CUX2: variants seen among roughly 807,000 people sequenced by gnomAD.
CUX2 encodes cut like homeobox 2.
In CUX2, 40 loss-of-function variants were observed where a neutral mutation model predicts 144.8. The observed-to-expected ratio is 0.28, with a 90% CI of 0.21 to 0.36. The LOEUF is 0.36. Ranked by LOEUF, CUX2 falls within the 10% of genes least tolerant of loss-of-function variation. CUX2 has a pLI of 1.00. For synonymous variants in CUX2, 827 were observed against 875.6 expected (o/e 0.94, Z 0.98); for missense variants, 1,615 against 1,994.0 (o/e 0.81, Z 3.62).
intron 4 of CUX2, among the ~76,000 whole-genome samples, chr12:111,268,625 G>A (rs1427737225): frequency 3.9e-5 from 6 of 152,364 alleles, no homozygotes; most frequent in South Asian, 2.1e-4. Flanking sequence ...AGGACATGGC[G>A]CTATGGCACG....
intron 1 of CUX2, among the ~76,000 whole-genome samples, chr12:111,115,852 T>C (rs1874267111): frequency 6.6e-6 from 1 of 152,212 alleles, no homozygotes; most frequent in South Asian, 2.1e-4. Context: ...CAGGCAAAGA[T>C]CAGGTCTGCC....
chr12:111,316,449 C>CTT (rs35751838), intron 16 of CUX2, among the ~76,000 whole-genome samples: 5,302 of 113,290 alleles, frequency 0.047, 406 homozygotes, highest in African/African-American at 0.12. Flanking sequence ...CCCGGCACTT[C>CTT]TTTTTTTTTT....
At chr12:111,141,241 C>T (rs533552630) in intron 1 of CUX2, among the ~76,000 whole-genome samples, 1 of 151,994 alleles carries the variant, frequency 6.6e-6, no homozygotes, top group African/African-American at 2.4e-5. Context: ...CACACACACA[C>T]ACACACACAC....
intron 4 of CUX2, among the ~76,000 whole-genome samples, chr12:111,272,935 G>A (rs1330272154): frequency 6.6e-6 from 1 of 152,190 alleles, no homozygotes; most frequent in African/African-American, 2.4e-5. Flanking sequence ...GGGTGCTGCT[G>A]CCTGGGAGGT....
intron 3 of CUX2, among the ~76,000 whole-genome samples, chr12:111,226,054 G>C (rs1349771900): frequency 1.3e-5 from 2 of 152,116 alleles, no homozygotes; most frequent in African/African-American, 4.8e-5. Context: ...AGCAATTCTG[G>C]TGCCTCAGTC....
At chr12:111,085,437 G>A (rs1287537002) in intron 1 of CUX2, among the ~76,000 whole-genome samples, 1 of 152,242 alleles carries the variant, frequency 6.6e-6, no homozygotes, top group African/African-American at 2.4e-5. Context: ...CCTGATGTGG[G>A]AATGTGTTCA....
intron 1 of CUX2, among the ~76,000 whole-genome samples, chr12:111,097,670 G>A (rs963105703): frequency 2.0e-5 from 3 of 152,226 alleles, no homozygotes; most frequent in African/African-American, 7.2e-5. Context: ...GCACAAGACA[G>A]CGTTTTCTCA....
intron 1 of CUX2, among the ~76,000 whole-genome samples, chr12:111,153,089 C>T (rs553393961): frequency 3.3e-5 from 5 of 152,152 alleles, no homozygotes; most frequent in African/African-American, 4.8e-5. Context: ...GAAAGCCACC[C>T]GAGGTTCAGG....
At chr12:111,064,044 A>G (rs1461737606) in intron 1 of CUX2, among the ~76,000 whole-genome samples, 1 of 152,174 alleles carries the variant, frequency 6.6e-6, no homozygotes, top group Non-Finnish European at 1.5e-5. Flanking sequence ...TGTTCTTTGG[A>G]CATGGACGTT....
rs190095888 is a variant in CUX2 at position 111,322,588 on chromosome 12, C to T, written c.2926+8C>T. The T allele has an allele frequency of 3.8e-4, 607 of 1,604,742 alleles. 3 individuals are homozygous for T. Among genetic ancestry groups the T allele is most frequent in the East Asian group, 8.3e-4 (37 of 44,792 alleles). ...AGCCTGGTGCCTCCCAGGGTGAGTG[C>T]GGGCAGGAGCATCTCAGGGGGTGCT... On this transcript the variant is annotated splice_region_variant and intron_variant, in intron 18 of 21. Transcript: ENST00000261726. The surrounding 1 kb of genome is among the most constrained non-coding windows in gnomAD (Gnocchi z 4.2).
intron 1 of CUX2, among the ~76,000 whole-genome samples, chr12:111,122,316 G>C (rs1038912267): frequency 1.3e-5 from 2 of 152,148 alleles, no homozygotes; most frequent in Non-Finnish European, 2.9e-5. Flanking sequence ...CTAGAGTAAG[G>C]ATGGGCTAAG....
At chr12:111,097,899 G>C (rs1872923989) in intron 1 of CUX2, among the ~76,000 whole-genome samples, 1 of 152,230 alleles carries the variant, frequency 6.6e-6, no homozygotes. Context: ...GGAGTGGTTG[G>C]TGGGTGTCAG....
intron 4 of CUX2, among the ~76,000 whole-genome samples, chr12:111,265,025 A>G (rs1002363921): frequency 2.0e-5 from 3 of 152,210 alleles, no homozygotes; most frequent in Admixed American, 1.3e-4. Flanking sequence ...AACATCAAGA[A>G]TGTACTAAAT....
intron 4 of CUX2, among the ~76,000 whole-genome samples, chr12:111,267,550 C>T (rs1285111893): frequency 6.6e-6 from 1 of 152,146 alleles, no homozygotes; most frequent in Non-Finnish European, 1.5e-5. Context: ...GCTGGCTGCA[C>T]GTGGAAGGCT....
intron 1 of CUX2, among the ~76,000 whole-genome samples, chr12:111,084,118 G>A (rs1005972963): frequency 6.6e-6 from 1 of 152,202 alleles, no homozygotes; most frequent in Non-Finnish European, 1.5e-5. Flanking sequence ...AGAGACCAGA[G>A]GCAGATAGAG....
chr12:111,082,635 CTT>C (rs1871964498), intron 1 of CUX2, among the ~76,000 whole-genome samples: 2 of 152,156 alleles, frequency 1.3e-5, no homozygotes, highest in African/African-American at 4.8e-5. Context: ...GAGGACACAG[CTT>C]TGAAACCAGA....
At chr12:111,238,555 G>A (rs1040944782) in intron 3 of CUX2, among the ~76,000 whole-genome samples, 64 of 152,202 alleles carry the variant, frequency 4.2e-4, no homozygotes, top group Non-Finnish European at 6.8e-4. Flanking sequence ...CACAGCTGGT[G>A]GCATGTGGCA....
At chr12:111,298,401 T>C in intron 8 of CUX2, 140 bp from the exon 9 acceptor site, 1 of 819,164 alleles carries the variant, frequency 1.2e-6, no homozygotes, top group East Asian at 2.7e-5. Flanking sequence ...CTAGGCTCTT[T>C]TCTCCCCAGC....
chr12:111,065,221 C>A (rs1444186099), intron 1 of CUX2, among the ~76,000 whole-genome samples: 1 of 152,256 alleles, frequency 6.6e-6, no homozygotes, highest in Non-Finnish European at 1.5e-5. Flanking sequence ...AATGACTTAA[C>A]TCTGCCTTTG....
Sources: gnomAD v4.1 joint callset for allele counts (sites outside exome capture counted in the v4.1 genomes callset) on GRCh38, gnomAD v4.1.1 for gene constraint, Gnocchi (gnomAD v3.1) non-coding constraint, MANE v1.5 for transcripts, NCBI Gene and HGNC (gene_info 2026-07-23, HGNC 2026-07-21) for gene names.